Variants in PLEK observed in about 807,000 individuals in gnomAD.
PLEK encodes platelet 47 kDa protein.
PLEK carries 25 observed loss-of-function variants against 43.9 expected under a neutral mutation model. The observed-to-expected ratio is 0.57, with a 90% CI of 0.41 to 0.79. The LOEUF is 0.79. Among genes scored for constraint, PLEK ranks in the 30% least tolerant of loss-of-function variants. PLEK has a pLI of 0.00. For missense variants in PLEK, 396 were observed against 413.3 expected, an observed-to-expected ratio of 0.96 and a Z score of 0.36; for synonymous variants, 152 against 144.4, an observed-to-expected ratio of 1.05 and a Z score of -0.38.
chr2:68,367,480 G>A (rs1401553585), intron 1 of PLEK, among the ~76,000 whole-genome samples: 1 of 152,068 alleles, frequency 6.6e-6, no homozygotes. Context: ...AGAAATGTTT[G>A]GTCCAGAAAT....
chr2:68,393,982 T>C, intron 7 of PLEK, 125 bp from the exon 8 acceptor site: 2 of 678,806 alleles, frequency 2.9e-6, no homozygotes, highest in Admixed American at 4.2e-5. Flanking sequence ...AATCTCCTTC[T>C]GCTCTTACTT....
At chr2:68,367,401 T>C (rs1044319179) in intron 1 of PLEK, among the ~76,000 whole-genome samples, 4 of 152,228 alleles carry the variant, frequency 2.6e-5, no homozygotes, top group Non-Finnish European at 4.4e-5. Flanking sequence ...ATAGTTATTT[T>C]TTCTGATCCT....
chr2:68,386,736 C>G, intron 5 of PLEK, 50 bp downstream of exon 5: 1 of 1,407,388 alleles, frequency 7.1e-7, no homozygotes, highest in East Asian at 2.3e-5. Context: ...CTGCCCTGAG[C>G]AGATTCTAGA....
At chr2:68,375,632 G>T (rs1673486773) in intron 1 of PLEK, among the ~76,000 whole-genome samples, 2 of 152,338 alleles carry the variant, frequency 1.3e-5, no homozygotes, top group African/African-American at 4.8e-5. Context: ...CAAGCAAAGT[G>T]ATAGTCCCAC....
chr2:68,380,972 C>T (rs932642902), intron 3 of PLEK, 68 bp downstream of exon 3: 30 of 1,380,162 alleles, frequency 2.2e-5, no homozygotes, highest in Non-Finnish European at 2.9e-5. Context: ...AGATCCTGCT[C>T]CAAGGCTTGC....
chr2:68,382,754 C>A, intron 4 of PLEK, 121 bp downstream of exon 4: 1 of 612,946 alleles, frequency 1.6e-6, no homozygotes, highest in South Asian at 2.2e-5. Flanking sequence ...CAGAATGCAG[C>A]CTGGTGAGCC....
At chr2:68,394,325 A>C in intron 8 of PLEK, 149 bp downstream of exon 8, 1 of 656,552 alleles carries the variant, frequency 1.5e-6, no homozygotes, top group Non-Finnish European at 2.8e-6. Flanking sequence ...TAATCCCGGC[A>C]CTTTGGGAGG....
chr2:68,374,687 G>A (rs367737872), intron 1 of PLEK, among the ~76,000 whole-genome samples: 21 of 152,074 alleles, frequency 1.4e-4, no homozygotes, highest in African/African-American at 5.1e-4. Flanking sequence ...TCCCATCGTC[G>A]GTAACCATTA....
chr2:68,378,453 G>C (rs1415842017), intron 1 of PLEK, among the ~76,000 whole-genome samples: 2 of 152,188 alleles, frequency 1.3e-5, no homozygotes, highest in Non-Finnish European at 2.9e-5. Flanking sequence ...AGAAACCAAA[G>C]GGAAGTGTGT....
intron 1 of PLEK, among the ~76,000 whole-genome samples, chr2:68,374,406 G>A (rs77534562): frequency 0.013 from 1,908 of 152,276 alleles, 35 homozygotes; most frequent in African/African-American, 0.043. Context: ...GTGATTAAGT[G>A]AGAGAAGTAA....
intron 4 of PLEK, among the ~76,000 whole-genome samples, chr2:68,385,917 A>G (rs765351469): frequency 4.3e-4 from 66 of 152,152 alleles, no homozygotes; most frequent in Non-Finnish European, 5.7e-4. Context: ...CCTTGAGGGA[A>G]TTTCTCCAAC....
Position 68,380,312 on chromosome 2 carries a change from T to A in PLEK, c.43-16T>A. The A allele has an allele frequency of 6.2e-7, 1 of 1,601,318 alleles. No individual in the cohort carries two copies. Among genetic ancestry groups the A allele is most frequent in the African/African-American group, 1.3e-5 (1 of 74,662 alleles). The stretch of plus-strand genomic sequence containing the variant: ...AAGAGCCCTGTCCATCTCAGCTCTT[T>A]TGGTTGTCATTACAGGGGAGCGTGT... On this transcript the variant is annotated splice_polypyrimidine_tract_variant and intron_variant, in intron 1 of 8. Transcript: ENST00000234313.
chr2:68,372,270 T>C (rs969945477), intron 1 of PLEK, among the ~76,000 whole-genome samples: 1 of 151,464 alleles, frequency 6.6e-6, no homozygotes, highest in Non-Finnish European at 1.5e-5. Flanking sequence ...ACCTCTTGGG[T>C]TCAAGTGATT....
chr2:68,365,305 A>C lies in PLEK; in HGVS notation c.-47A>C, dbSNP rs1480907140. The C allele has an allele frequency of 6.3e-7, 1 of 1,581,578 alleles. No homozygotes were observed. The highest frequency in any genetic ancestry group is 1.7e-5 in the Admixed American group (1 of 59,876). On this transcript the variant is annotated 5_prime_UTR_variant, in exon 1 of 9. The change abolishes the stop of an existing upstream ORF in the 5' untranslated region. Coordinates refer to ENST00000234313, the MANE Select transcript of PLEK (RefSeq NM_002664.3). Reference sequence around the variant, plus strand: ...GCATGCAGAGGAGGCCCAGCTGCTGAGAGGAGTTGCCTGAGAGTGACCTTT... The same window carrying C: ...GCATGCAGAGGAGGCCCAGCTGCTGCGAGGAGTTGCCTGAGAGTGACCTTT...
At chr2:68,387,154 C>T (rs1036729076) in intron 5 of PLEK, among the ~76,000 whole-genome samples, 5 of 152,118 alleles carry the variant, frequency 3.3e-5, no homozygotes, top group East Asian at 1.9e-4. Context: ...TACAGGCATG[C>T]GCCACCACAC....
chr2:68,369,629 A>G (rs1446552816), intron 1 of PLEK, among the ~76,000 whole-genome samples: 1 of 152,038 alleles, frequency 6.6e-6, no homozygotes, highest in Admixed American at 6.6e-5. Context: ...TGTATACTAC[A>G]TGCTGGCCAC....
chr2:68,395,836 C>G lies in PLEK; in HGVS notation c.*20C>G. 6.2e-7 allele frequency: 1 copy of G among 1,608,096 alleles called. No individual in the cohort carries two copies. Among genetic ancestry groups the G allele is most frequent in the South Asian group, 1.1e-5 (1 of 90,946 alleles). On this transcript the variant is annotated 3_prime_UTR_variant, in exon 9 of 9. Transcript: ENST00000234313. ...AAGTAAAGAGACTCCTGCATTCCTC[C>G]TCCCCTCCTGAGGGAAGCCCATGGA...
intron 5 of PLEK, 105 bp from the exon 6 acceptor site, chr2:68,388,282 G>A (rs577514623): frequency 2.8e-6 from 2 of 702,356 alleles, no homozygotes; most frequent in African/African-American, 1.8e-5. Flanking sequence ...GGAGGAAAAA[G>A]GAGGAGGCTG....
Position 68,395,902 on chromosome 2 carries a change from A to G in PLEK, c.*86A>G, listed in dbSNP as rs1386384134. 3 of 1,227,986 alleles carry G rather than the reference A, an allele frequency of 2.4e-6. No homozygotes were observed. The highest frequency in any genetic ancestry group is 3.5e-6 in the Non-Finnish European group (3 of 846,882). 76.1% of individuals were successfully genotyped at this position (1,227,986 alleles called of 1,614,324 possible). A position where few individuals can be genotyped will look rare whatever the true frequency, so the allele number is the denominator to read the frequency against. On this transcript the variant is annotated 3_prime_UTR_variant, in exon 9 of 9. Coordinates refer to ENST00000234313, the MANE Select transcript of PLEK (RefSeq NM_002664.3). ...ACCTGTCCACTTCTGTGACAAATCA[A>G]CGGGAAACAGCCCAGGGGTGGGAAG...
Sources: allele counts gnomAD v4.1 joint callset (sites outside exome capture counted in the v4.1 genomes callset), GRCh38; gene constraint gnomAD v4.1.1; transcripts MANE v1.5; gene names NCBI Gene and HGNC (gene_info 2026-07-23, HGNC 2026-07-21).